PABPC4: variants seen among roughly 807,000 people sequenced by gnomAD.
The protein encoded by PABPC4 is polyadenylate-binding protein 4.
In PABPC4, 15 loss-of-function variants were observed where a neutral mutation model predicts 74.5. That is an observed-to-expected ratio of 0.20 (90% CI 0.13 to 0.31). The LOEUF (loss-of-function observed/expected upper bound fraction) is 0.31. Ranked by LOEUF, PABPC4 falls within the 10% of genes least tolerant of loss-of-function variation. The probability of loss-of-function intolerance (pLI) is 1.00; values close to 1 mark genes in which losing one functional copy is unlikely to be tolerated. For synonymous variants in PABPC4, 345 were observed against 303.0 expected, an observed-to-expected ratio of 1.14 and a Z score of -1.44; for missense variants, 610 against 853.5, an observed-to-expected ratio of 0.71 and a Z score of 3.55.
At chr1:39,564,109 G>T in intron 10 of PABPC4, 187 bp from the exon 11 acceptor site, 1 of 622,912 alleles carries the variant, frequency 1.6e-6, no homozygotes, top group Non-Finnish European at 2.8e-6. Context: ...GACATATTCT[G>T]TATACACTGT....
intron 7 of PABPC4, 52 bp from the exon 8 acceptor site, chr1:39,565,430 G>A: frequency 1.3e-6 from 2 of 1,552,922 alleles, no homozygotes; most frequent in South Asian, 2.4e-5. Flanking sequence ...GGCTGGGTGT[G>A]ATGGCTTGTG....
rs772380528 is a variant in PABPC4 at position 39,561,667 on chromosome 1, GAA to G, written c.*13+16_*13+17del. The G allele has an allele frequency of 6.4e-7, 1 of 1,566,296 alleles. No individual in the cohort carries two copies. Among genetic ancestry groups the G allele is most frequent in the Non-Finnish European group, 8.8e-7 (1 of 1,138,748 alleles). ...GAACAATGCTCATAGGAACAAAAATGAAAATAGCCACACATACGGTTTTTCCT... is the reference window on the plus strand; with the variant it reads ...GAACAATGCTCATAGGAACAAAAATGAATAGCCACACATACGGTTTTTCCT... On this transcript the variant is annotated intron_variant, in intron 15 of 15. Coordinates refer to ENST00000372858, the MANE Select transcript of PABPC4 (RefSeq NM_001135653.2).
intron 7 of PABPC4, chr1:39,567,236 C>A: frequency 2.9e-6 from 1 of 342,662 alleles, no homozygotes; most frequent in Non-Finnish European, 5.8e-6. Context: ...ATATGATTAT[C>A]AAAGAAAATC....
Position 39,567,866 on chromosome 1 carries a change from G to C in PABPC4, c.877-20C>G. 1 of 1,343,066 alleles carries C rather than the reference G, an allele frequency of 7.4e-7. No individual in the cohort carries two copies. Among genetic ancestry groups the C allele is most frequent in the Non-Finnish European group, 1.1e-6 (1 of 934,194 alleles). The allele number at this position is 1,343,066 out of a possible 1,614,324, so 83.2% of individuals were successfully genotyped here. A position where few individuals can be genotyped will look rare whatever the true frequency, so the allele number is the denominator to read the frequency against. On this transcript the variant is annotated intron_variant, in intron 6 of 15. Coordinates refer to ENST00000372858, the MANE Select transcript of PABPC4 (RefSeq NM_001135653.2). ...CACCCCCTGAAGGAAAAAGATCACT[G>C]TTAACTACACTTCTATATCACAAAT...
At chr1:39,571,928 G>A (rs376839643) in intron 2 of PABPC4, among the ~76,000 whole-genome samples, 1 of 152,172 alleles carries the variant, frequency 6.6e-6, no homozygotes, top group Non-Finnish European at 1.5e-5. Context: ...CCACGGTGAT[G>A]CAGAAAACAA....
intron 10 of PABPC4, 119 bp from the exon 11 acceptor site, chr1:39,564,041 T>A: frequency 1.2e-6 from 1 of 827,592 alleles, no homozygotes; most frequent in Non-Finnish European, 2.0e-6. Flanking sequence ...GGGCCACTAC[T>A]ACTTTCGAGG....
chr1:39,565,035 C>T (rs1307769362), intron 8 of PABPC4, 71 bp downstream of exon 8: 2 of 1,522,286 alleles, frequency 1.3e-6, no homozygotes, highest in African/African-American at 2.7e-5. Context: ...CGAAAAATCC[C>T]TCTCCCCAAC....
rs1645913635 is a variant in PABPC4, at chr1:39,569,947, C to T, written c.559G>A (p.Ala187Thr). 6.2e-7 allele frequency: 1 copy of T among 1,613,960 alleles called. No individual in the cohort carries two copies. Among genetic ancestry groups the T allele is most frequent in the Non-Finnish European group, 8.5e-7 (1 of 1,180,026 alleles). ...KEREAELGAKAKEFTNVYIKN... is the reference protein window; with the variant it reads ...KEREAELGAKTKEFTNVYIKN... ...ATATAAACATTGGTGAATTCCTTGGCTTTGGCTCCAAGCTCAGCTTCCCGC... is the reference window on the plus strand; with the variant it reads ...ATATAAACATTGGTGAATTCCTTGGTTTTGGCTCCAAGCTCAGCTTCCCGC... Residue 187 changes from alanine to threonine, a missense_variant, in exon 4 of 16, where the codon GCC becomes ACC. By Grantham distance (58) the Ala-to-Thr change is moderately conservative. Around this residue, in one of 4 missense-constraint regions of PABPC4, gnomAD observed 304 missense variants for 478.9 expected, o/e 0.63. Transcript: ENST00000372858.
intron 8 of PABPC4, 111 bp downstream of exon 8, chr1:39,564,995 C>A: frequency 1.7e-6 from 2 of 1,193,510 alleles, no homozygotes. Flanking sequence ...CTTGAAGGGT[C>A]CTTATTGTGA....
At chr1:39,566,718 C>A (rs1645849239) in intron 7 of PABPC4, among the ~76,000 whole-genome samples, 1 of 152,052 alleles carries the variant, frequency 6.6e-6, no homozygotes. Flanking sequence ...AAAATGGGGA[C>A]AATTCAAGGT....
Position 39,576,008 on chromosome 1 carries a change from G to T in PABPC4, c.-57C>A. On this transcript the variant is annotated 5_prime_UTR_variant, in exon 1 of 16. Transcript: ENST00000372858. ...AGGAGGACTTCTTATCGGGCCCGCC[G>T]CAGGACAAAGGGGCGCCTTCGGAGC... The T allele has an allele frequency of 1.6e-6, 2 of 1,265,622 alleles. No individual in the cohort carries two copies. Among genetic ancestry groups the T allele is most frequent in the Non-Finnish European group, 2.1e-6 (2 of 947,006 alleles). 78.4% of individuals were successfully genotyped at this position (1,265,622 alleles called of 1,614,324 possible).
intron 5 of PABPC4, 57 bp downstream of exon 5, chr1:39,569,538 A>T: frequency 1.6e-6 from 2 of 1,254,222 alleles, no homozygotes; most frequent in Non-Finnish European, 2.3e-6. Flanking sequence ...GCAAGACCCT[A>T]CCCATACTCT....
intron 5 of PABPC4, 67 bp downstream of exon 5, chr1:39,569,528 G>GC: frequency 8.9e-7 from 1 of 1,127,778 alleles, no homozygotes; most frequent in Non-Finnish European, 1.4e-6. Context: ...GTAGGTGCTA[G>GC]CAAGACCCTA....
chr1:39,563,746 G>A lies in PABPC4; in HGVS notation c.1541-5C>T, dbSNP rs1424276902. 3.1e-6 allele frequency: 5 copies of A among 1,614,052 alleles called. No homozygotes were observed. The highest frequency in any genetic ancestry group is 4.2e-6 in the Non-Finnish European group (5 of 1,179,908). On this transcript the variant is annotated splice_region_variant and splice_polypyrimidine_tract_variant and intron_variant, in intron 11 of 15. Transcript: ENST00000372858. Reference sequence around the variant, plus strand: ...TCTGCACAGCTGTGGGAACGCCTTAGGGAAAGAACAAATACAATTAAAGCC... The same window carrying A: ...TCTGCACAGCTGTGGGAACGCCTTAAGGAAAGAACAAATACAATTAAAGCC...
chr1:39,572,658 A>G (rs963656732), intron 1 of PABPC4, 72 bp from the exon 2 acceptor site: 4 of 1,182,856 alleles, frequency 3.4e-6, no homozygotes, highest in African/African-American at 3.1e-5. Context: ...CTAAGAACAG[A>G]TTACTCCAGG....
At chr1:39,568,629 T>A in intron 6 of PABPC4, 173 bp downstream of exon 6, 1 of 542,762 alleles carries the variant, frequency 1.8e-6, no homozygotes, top group Non-Finnish European at 3.2e-6. Context: ...TCTGGTTCTA[T>A]AATAATCAGT....
intron 10 of PABPC4, 139 bp from the exon 11 acceptor site, chr1:39,564,061 A>G (rs1360784602): frequency 1.4e-6 from 1 of 701,352 alleles, no homozygotes; most frequent in Non-Finnish European, 2.5e-6. Flanking sequence ...GATGAGCCAA[A>G]GGATAACATA....
Position 39,572,638 on chromosome 1 carries a change from G to T in PABPC4, c.194-52C>A, listed in dbSNP as rs763774738. 27 of 1,409,918 alleles carry T rather than the reference G, an allele frequency of 1.9e-5. No individual in the cohort carries two copies. The Middle Eastern group carries it at 7.1e-4, about 37-fold the overall frequency. 87.3% of individuals were successfully genotyped at this position (1,409,918 alleles called of 1,614,324 possible). A position where few individuals can be genotyped will look rare whatever the true frequency, so the allele number is the denominator to read the frequency against. On this transcript the variant is annotated intron_variant, in intron 1 of 15. Coordinates refer to ENST00000372858, the MANE Select transcript of PABPC4 (RefSeq NM_001135653.2). ...AGGAGAGAAAACGTCAGCTCCCACA[G>T]GCCAACAGCCTAAGAACAGATTACT...
At chr1:39,564,117 T>C in intron 10 of PABPC4, 195 bp from the exon 11 acceptor site, 1 of 619,424 alleles carries the variant, frequency 1.6e-6, no homozygotes, top group South Asian at 2.0e-5. Flanking sequence ...CTGTATACAC[T>C]GTTTCCTTGT....
Sources: gnomAD v4.1 joint callset for allele counts (sites outside exome capture counted in the v4.1 genomes callset) on GRCh38, gnomAD v4.1.1 for gene constraint, gnomAD v4.1.1 regional missense constraint, MANE v1.5 for transcripts, NCBI Gene and HGNC (gene_info 2026-07-23, HGNC 2026-07-21) for gene names.